Variants in PDS5A observed in about 807,000 individuals in gnomAD.
PDS5A encodes PDS5 cohesin associated factor A, also known as sister chromatid cohesion protein PDS5 homolog A.
Under a neutral mutation model 167.1 loss-of-function variants are expected in PDS5A, and 42 were observed. The ratio of observed to expected loss-of-function variants is 0.25; its 90% CI spans 0.20 to 0.33. PDS5A has a LOEUF of 0.33. Ranked by LOEUF, PDS5A falls within the 10% of genes least tolerant of loss-of-function variation. The pLI is 1.00. For synonymous variants in PDS5A, 553 were observed against 554.6 expected (o/e 1.00, Z 0.04); for missense variants, 1,033 against 1,605.9 (o/e 0.64, Z 6.10).
At chr4:39,933,413 T>G (rs768280610) in intron 2 of PDS5A, 1 of 152,090 alleles carries the variant, frequency 6.6e-6, no homozygotes, top group Non-Finnish European at 1.5e-5. Flanking sequence ...TCCAGCCTGG[T>G]GACAGAACAA....
Position 39,849,579 on chromosome 4 carries a change from C to T in PDS5A, c.3160G>A (p.Ala1054Thr), listed in dbSNP as rs746027697. ...NNSHAFMKKM[A>T]ENIKLTRDAQ... The stretch of plus-strand genomic sequence containing the variant: ...TCTCTGGTTAACTTGATGTTCTCTG[C>T]CATCTTCTTCATAAAGGCATGGCTA... The change falls in exon 27 of 33, where the codon GCA becomes ACA. Residue 1054 changes from alanine (A) to threonine (T), a missense_variant. Physicochemically the swap from Ala to Thr is moderately conservative, Grantham distance 58. Coordinates refer to ENST00000303538, the MANE Select transcript of PDS5A (RefSeq NM_001100399.2). 2 of 1,610,454 alleles carry T rather than the reference C, an allele frequency of 1.2e-6. No homozygotes were observed. The highest frequency in any genetic ancestry group is 2.2e-5 in the South Asian group (2 of 91,028).
intron 2 of PDS5A, among the ~76,000 whole-genome samples, chr4:39,955,862 C>A (rs1257704299): frequency 6.6e-6 from 1 of 152,016 alleles, no homozygotes; most frequent in Non-Finnish European, 1.5e-5. Context: ...CACCTGTAAT[C>A]ACAGCACTTT....
chr4:39,867,733 AACACACACACACACACAC>A (rs142147688), intron 22 of PDS5A, among the ~76,000 whole-genome samples: 6 of 130,632 alleles, frequency 4.6e-5, no homozygotes, highest in Admixed American at 7.4e-5. Context: ...AAAAAACCAA[AACACACACACACACACAC>A]ACACACACAC....
intron 12 of PDS5A, among the ~76,000 whole-genome samples, chr4:39,903,477 C>T (rs565760701): frequency 3.0e-4 from 45 of 152,262 alleles, no homozygotes; most frequent in Admixed American, 2.0e-4. Context: ...TCTGCACACA[C>T]CAAGTATCAT....
At chr4:39,936,803 G>A (rs1386014264) in intron 2 of PDS5A, 4 of 152,182 alleles carry the variant, frequency 2.6e-5, no homozygotes, top group African/African-American at 9.7e-5. Flanking sequence ...ACAAGATTGA[G>A]CCTGCTCGAT....
Position 39,898,969 on chromosome 4 carries a change from T to C in PDS5A, c.1582-144A>G, listed in dbSNP as rs542586109. The C allele has an allele frequency of 4.2e-5, 25 of 595,044 alleles. No homozygotes were observed. In the African/African-American group the frequency reaches 4.7e-4, roughly 11 times the overall value. 36.9% of individuals were successfully genotyped at this position (595,044 alleles called of 1,614,324 possible). On this transcript the variant is annotated intron_variant, in intron 14 of 32. Transcript: ENST00000303538. ...CAGTCTGCTCAATGGAAAATGGTTTTACCACATATATACGCTAAACTAACA... is the reference window on the plus strand; with the variant it reads ...CAGTCTGCTCAATGGAAAATGGTTTCACCACATATATACGCTAAACTAACA...
chr4:39,851,360 C>T (rs1024224974), intron 26 of PDS5A, among the ~76,000 whole-genome samples: 5 of 151,008 alleles, frequency 3.3e-5, no homozygotes, highest in East Asian at 2.0e-4. Context: ...AGTGCAGTGG[C>T]GTGATCACAG....
intron 13 of PDS5A, among the ~76,000 whole-genome samples, chr4:39,900,736 T>C (rs1722806728): frequency 6.6e-6 from 1 of 152,186 alleles, no homozygotes; most frequent in Non-Finnish European, 1.5e-5. Context: ...GATTAATAAG[T>C]AATACAGGGA....
intron 9 of PDS5A, among the ~76,000 whole-genome samples, chr4:39,911,515 T>C (rs1723881520): frequency 6.6e-6 from 1 of 151,978 alleles, no homozygotes. Flanking sequence ...TCAATTAACA[T>C]ACAACACAAT....
At chr4:39,922,924 T>G (rs943698466) in intron 5 of PDS5A, among the ~76,000 whole-genome samples, 176 bp from the exon 6 acceptor site, 1 of 152,202 alleles carries the variant, frequency 6.6e-6, no homozygotes, top group Non-Finnish European at 1.5e-5. Context: ...ATTTTCTTTC[T>G]CCTTTTGTTG....
At chr4:39,958,795 G>C (rs1339842769) in intron 2 of PDS5A, among the ~76,000 whole-genome samples, 1 of 151,978 alleles carries the variant, frequency 6.6e-6, no homozygotes. Flanking sequence ...TTTTGGTAGA[G>C]ATGGGGTTTC....
At chr4:39,948,312 CTTTTTTTTTTTTT>C (rs552182165) in intron 2 of PDS5A, among the ~76,000 whole-genome samples, 7 of 80,912 alleles carry the variant, frequency 8.7e-5, no homozygotes, top group Non-Finnish European at 1.3e-4. Flanking sequence ...TGAATCAAAC[CTTTTTTTTTTTTT>C]TTTTTTTTTT....
At chr4:39,898,324 C>CT in intron 16 of PDS5A, 65 bp downstream of exon 16, 1 of 1,459,640 alleles carries the variant, frequency 6.9e-7, no homozygotes, top group Non-Finnish European at 9.1e-7. Context: ...GTAAAACAGG[C>CT]TTTAATAAAA....
chr4:39,843,683 G>A (rs765538115), intron 30 of PDS5A, among the ~76,000 whole-genome samples: 4 of 152,188 alleles, frequency 2.6e-5, no homozygotes, highest in Non-Finnish European at 5.9e-5. Context: ...CAGCCTGAGT[G>A]ACGGACAGAG....
rs1346928018 is a variant in PDS5A, at chr4:39,929,519, C to CTCTATATATATATATATATATA, written c.139-1356_139-1355insTATATATATATATATATATAGA. Among the ~76,000 whole-genome samples the CTCTATATATATATATATATATA allele has an allele frequency of 3.1e-4, 25 of 79,406 alleles. 2 individuals are homozygous for CTCTATATATATATATATATATA. The highest frequency in any genetic ancestry group is 2.1e-3 in the African/African-American group (24 of 11,430). The allele number at this position is 79,406 out of a possible 152,430, so 52.1% of individuals were successfully genotyped here. A position where few individuals can be genotyped will look rare whatever the true frequency, so the allele number is the denominator to read the frequency against. ...GCCTTGTGAGTTAATACTTAATAAA[C>CTCTATATATATATATATATATA]TATATATATATATATATATATATAT... On this transcript the variant is annotated intron_variant, in intron 2 of 32. Transcript: ENST00000303538.
intron 2 of PDS5A, among the ~76,000 whole-genome samples, chr4:39,940,568 T>C (rs973391507): frequency 1.3e-5 from 2 of 152,212 alleles, no homozygotes; most frequent in African/African-American, 4.8e-5. Context: ...TTAGATAATG[T>C]AGGGGCTTCA....
chr4:39,887,918 A>G (rs1433585556), intron 17 of PDS5A, among the ~76,000 whole-genome samples: 1 of 152,160 alleles, frequency 6.6e-6, no homozygotes, highest in Non-Finnish European at 1.5e-5. Context: ...AACACCAGAC[A>G]AACAAAAAAT....
chr4:39,968,634 G>A (rs544956898), intron 2 of PDS5A, among the ~76,000 whole-genome samples: 81 of 151,616 alleles, frequency 5.3e-4, no homozygotes, highest in Non-Finnish European at 9.7e-4. Context: ...GTTTCTCCAC[G>A]TTGGTCAGGC....
chr4:39,953,333 G>A (rs1319437649), intron 2 of PDS5A, among the ~76,000 whole-genome samples: 1 of 152,044 alleles, frequency 6.6e-6, no homozygotes, highest in Non-Finnish European at 1.5e-5. Flanking sequence ...CTAGGTTGTT[G>A]GTATGAAATA....
Sources: allele counts gnomAD v4.1 joint callset (sites outside exome capture counted in the v4.1 genomes callset), GRCh38; gene constraint gnomAD v4.1.1; transcripts MANE v1.5; gene names NCBI Gene and HGNC (gene_info 2026-07-23, HGNC 2026-07-21).